The following EVA1C variants were observed in gnomAD, a reference collection of about 807,000 sequenced individuals.
EVA1C encodes protein eva-1 homolog C.
In EVA1C, 25 loss-of-function variants were observed where a neutral mutation model predicts 45.4. That is an observed-to-expected ratio of 0.55 (90% CI 0.40 to 0.77). The LOEUF (loss-of-function observed/expected upper bound fraction) is 0.77. EVA1C is among the 30% of genes least tolerant of loss of function. The pLI, the probability that EVA1C is intolerant of heterozygous loss-of-function variation, is 0.00. For synonymous variants in EVA1C, 190 were observed against 221.2 expected (o/e 0.86, Z 1.25); for missense variants, 479 against 554.8 (o/e 0.86, Z 1.37).
intron 3 of EVA1C, among the ~76,000 whole-genome samples, chr21:32,459,267 T>C (rs2035907785): frequency 6.6e-6 from 1 of 152,156 alleles, no homozygotes; most frequent in South Asian, 2.1e-4. Context: ...CGCAAATACC[T>C]ACAAGCAGGC....
At chr21:32,507,108 A>C (rs1195376362) in intron 7 of EVA1C, among the ~76,000 whole-genome samples, 2 of 152,224 alleles carry the variant, frequency 1.3e-5, no homozygotes, top group Non-Finnish European at 2.9e-5. Flanking sequence ...CTGATATTAA[A>C]GCACAGAGGT....
At chr21:32,451,738 C>T (rs1196769212) in intron 1 of EVA1C, among the ~76,000 whole-genome samples, 1 of 152,232 alleles carries the variant, frequency 6.6e-6, no homozygotes, top group Non-Finnish European at 1.5e-5. Flanking sequence ...TCCTTGGCTT[C>T]AGGTGCATCA....
rs1016312625 is a variant in EVA1C, at chr21:32,458,920, G to A, written c.481+1200G>A. On this transcript the variant is annotated intron_variant, in intron 3 of 7. Coordinates refer to ENST00000300255, the MANE Select transcript of EVA1C (RefSeq NM_058187.5). Reference sequence around the variant, plus strand: ...GCCAGACTTATGTGGGGAGAGGTCAGGCCACACTCGTACTATGGTCTCAGG... The same window carrying A: ...GCCAGACTTATGTGGGGAGAGGTCAAGCCACACTCGTACTATGGTCTCAGG... Among the ~76,000 whole-genome samples the A allele has an allele frequency of 5.9e-5, 9 of 152,134 alleles. No homozygotes were observed. In the South Asian group the frequency reaches 1.7e-3, roughly 28 times the overall value.
intron 5 of EVA1C, chr21:32,496,920 G>T: frequency 7.8e-7 from 1 of 1,282,534 alleles, no homozygotes; most frequent in Non-Finnish European, 1.1e-6. Context: ...TGTCTTACTT[G>T]GCATTTGAAG....
chr21:32,488,987 C>T (rs2037067895), intron 4 of EVA1C, among the ~76,000 whole-genome samples: 1 of 152,168 alleles, frequency 6.6e-6, no homozygotes, highest in Non-Finnish European at 1.5e-5. Context: ...GTATAAGTTC[C>T]TTATATATTT....
intron 1 of EVA1C, among the ~76,000 whole-genome samples, chr21:32,416,353 C>T (rs2034048052): frequency 1.4e-5 from 2 of 139,058 alleles, no homozygotes; most frequent in African/African-American, 2.7e-5. Flanking sequence ...TTTTGAGACG[C>T]AGTTTCACTC....
At chr21:32,436,978 G>A (rs1257117782) in intron 1 of EVA1C, among the ~76,000 whole-genome samples, 3 of 152,114 alleles carry the variant, frequency 2.0e-5, no homozygotes, top group Non-Finnish European at 4.4e-5. Context: ...TAGCCCATAT[G>A]GTGAAACCCA....
chr21:32,463,537 G>A (rs934219617), intron 3 of EVA1C, among the ~76,000 whole-genome samples: 6 of 152,214 alleles, frequency 3.9e-5, no homozygotes, highest in Non-Finnish European at 8.8e-5. Context: ...AGGATGTAAT[G>A]TGACACGCAC....
intron 3 of EVA1C, among the ~76,000 whole-genome samples, chr21:32,464,189 T>C (rs2833843): frequency 0.16 from 24,763 of 152,246 alleles, 2,274 homozygotes; most frequent in Admixed American, 0.23. Flanking sequence ...GTTTAAGCTG[T>C]TGAATTAAGA....
At chr21:32,485,456 C>T (rs1344415585) in intron 4 of EVA1C, among the ~76,000 whole-genome samples, 8 of 152,178 alleles carry the variant, frequency 5.3e-5, no homozygotes, top group African/African-American at 1.9e-4. Context: ...AGCCACCGTG[C>T]CTGGCCACTC....
At chr21:32,473,929 G>A (rs1007106765) in intron 4 of EVA1C, 44 of 985,244 alleles carry the variant, frequency 4.5e-5, no homozygotes, top group African/African-American at 1.7e-4. Flanking sequence ...TTTGTGCCAC[G>A]GAGCACAGGA....
chr21:32,422,759 G>A (rs747541244), intron 1 of EVA1C, among the ~76,000 whole-genome samples: 1 of 152,010 alleles, frequency 6.6e-6, no homozygotes, highest in Non-Finnish European at 1.5e-5. Context: ...CAAATTTACC[G>A]CTAATGAATC....
intron 3 of EVA1C, among the ~76,000 whole-genome samples, chr21:32,466,992 G>A (rs2036199218): frequency 6.6e-6 from 1 of 151,974 alleles, no homozygotes; most frequent in South Asian, 2.1e-4. Flanking sequence ...ACAAATAAAT[G>A]TAAGCCAGAC....
intron 1 of EVA1C, among the ~76,000 whole-genome samples, chr21:32,419,035 T>C (rs959196913): frequency 6.6e-6 from 1 of 152,246 alleles, no homozygotes; most frequent in African/African-American, 2.4e-5. Flanking sequence ...CAACATGTAA[T>C]TTATAAATAA....
At position 32,467,795 on chromosome 21, in the gene EVA1C, G is replaced by A. The variant is rs2036227241; in HGVS notation, c.581G>A (p.Arg194Lys). 6.2e-7 allele frequency: 1 copy of A among 1,612,842 alleles called. No homozygotes were observed. The highest frequency in any genetic ancestry group is 8.5e-7 in the Non-Finnish European group (1 of 1,179,504). ...ATCTACTCTGCGACCTACGGCAGGA[G>A]GACCCAGGAAAGGGACATCTGCTCC... ...LNIYSATYGR[R>K]TQERDICSSK... Residue 194 changes from arginine (R) to lysine (K), a missense_variant, in exon 4 of 8, where the codon AGG becomes AAG. Arg to Lys is a conservative substitution (Grantham distance 26, BLOSUM62 2). Transcript: ENST00000300255.
chr21:32,483,431 G>C (rs913481785), intron 4 of EVA1C, among the ~76,000 whole-genome samples: 1 of 152,114 alleles, frequency 6.6e-6, no homozygotes, highest in Non-Finnish European at 1.5e-5. Flanking sequence ...TTGACTTGCT[G>C]TGTTTACTCT....
In EVA1C at chr21:32,513,338, G is replaced by A. The variant is rs145576399; in HGVS notation, c.950-1476G>A. Among the ~76,000 whole-genome samples the A allele has an allele frequency of 3.0e-3, 448 of 148,044 alleles. 4 individuals are homozygous for A. The highest frequency in any genetic ancestry group is 9.9e-3 in the African/African-American group (404 of 40,750). On this transcript the variant is annotated intron_variant, in intron 7 of 7. Coordinates refer to ENST00000300255, the MANE Select transcript of EVA1C (RefSeq NM_058187.5). ...ACTACAGGCGCCCGCCACCACACCC[G>A]GCTAGTTTTTTTTTTGTACTTTTGG... is the stretch of plus-strand genomic sequence containing the variant.
intron 1 of EVA1C, among the ~76,000 whole-genome samples, chr21:32,431,728 T>A (rs770117093): frequency 2.6e-4 from 40 of 152,242 alleles, no homozygotes; most frequent in Non-Finnish European, 4.7e-4. Flanking sequence ...TTCACTGAGA[T>A]TCCCCAGTGC....
chr21:32,413,956 C>T (rs1018808098), intron 1 of EVA1C, among the ~76,000 whole-genome samples: 2 of 152,314 alleles, frequency 1.3e-5, no homozygotes, highest in South Asian at 2.1e-4. Context: ...CGGTCCCTAT[C>T]GGGTCCTCAG....
Sources: gnomAD v4.1 joint callset for allele counts (sites outside exome capture counted in the v4.1 genomes callset) on GRCh38, gnomAD v4.1.1 for gene constraint, MANE v1.5 for transcripts, NCBI Gene and HGNC (gene_info 2026-07-23, HGNC 2026-07-21) for gene names.